GRIPAP1: variants seen among roughly 807,000 people sequenced by gnomAD.
GRIPAP1 encodes GRIP1 associated protein 1.
GRIPAP1 carries 14 observed loss-of-function variants against 84.1 expected under a neutral mutation model. That is an observed-to-expected ratio of 0.17 (90% CI 0.11 to 0.26). The LOEUF is 0.26. GRIPAP1 is among the 10% of genes least tolerant of loss of function. The pLI is 1.00. For missense variants in GRIPAP1, 518 were observed against 674.2 expected (o/e 0.77, Z 2.57); for synonymous variants, 261 against 256.8 (o/e 1.02, Z -0.15).
intron 5 of GRIPAP1, among the ~76,000 whole-genome samples, chrX:48,994,219 C>CTTTTTTTTTT (rs200273142): frequency 1.1e-5 from 1 of 95,178 alleles, no homozygotes; most frequent in African/African-American, 4.3e-5. Context: ...TATTTTCTTT[C>CTTTTTTTTTT]TTTTTTTTTT....
chrX:48,978,296 T>C lies in GRIPAP1; in HGVS notation c.2061+9A>G. On this transcript the variant is annotated intron_variant, in intron 22 of 25. Coordinates refer to ENST00000376423, the MANE Select transcript of GRIPAP1 (RefSeq NM_020137.5). ...AAGCTGGAGCTGTAGGTTCTTCCTT[T>C]CCCCTTACCCTGGCTGGAACAGCCG... is the stretch of plus-strand genomic sequence containing the variant. 1 of 1,208,707 alleles carries C rather than the reference T, an allele frequency of 8.3e-7. No homozygotes were observed. Among genetic ancestry groups the C allele is most frequent in the Admixed American group, 2.2e-5 (1 of 45,780 alleles).
At chrX:48,993,225 C>A (rs1333515690) in intron 6 of GRIPAP1, among the ~76,000 whole-genome samples, 2 of 113,161 alleles carry the variant, frequency 1.8e-5, no homozygotes, top group Non-Finnish European at 3.7e-5. Flanking sequence ...CTACTACAAT[C>A]TTCTGGGTGA....
At chrX:48,982,725 T>C (rs1323559442) in intron 17 of GRIPAP1, among the ~76,000 whole-genome samples, 2 of 112,476 alleles carry the variant, frequency 1.8e-5, no homozygotes, top group Non-Finnish European at 3.8e-5. Context: ...CTGACAGAAG[T>C]ACAGTTTCAG....
chrX:48,977,390 T>C lies in GRIPAP1; in HGVS notation c.2061+915A>G, dbSNP rs781938042. On this transcript the variant is annotated intron_variant, in intron 22 of 25. Coordinates refer to ENST00000376423, the MANE Select transcript of GRIPAP1 (RefSeq NM_020137.5). ...CCCAGGCTGGAGTGCAGTGGTGTGA[T>C]CTCGGCTCATTGCAACCTCCACCTC... 6.3e-5 allele frequency: 7 copies of C among 110,665 alleles called. No individual in the cohort carries two copies. In the Admixed American group the frequency reaches 6.8e-4, roughly 11 times the overall value. The allele number at this position is 110,665 out of a possible 1,213,427, so 9.1% of individuals were successfully genotyped here. A position where few individuals can be genotyped will look rare whatever the true frequency, so the allele number is the denominator to read the frequency against.
intron 1 of GRIPAP1, chrX:49,000,992 G>A (rs1313204687): frequency 9.6e-6 from 1 of 103,688 alleles, no homozygotes; most frequent in African/African-American, 3.6e-5. Flanking sequence ...TGTACCCCCC[G>A]AGACTTGCCC....
chrX:49,001,211 C>G (rs1557068498), intron 1 of GRIPAP1, among the ~76,000 whole-genome samples: 1 of 111,298 alleles, frequency 9.0e-6, no homozygotes, highest in African/African-American at 3.3e-5. Context: ...TGACAGTGGT[C>G]TTCCCCATTC....
At chrX:48,996,396 G>A (rs374463563) in intron 5 of GRIPAP1, among the ~76,000 whole-genome samples, 48 of 112,109 alleles carry the variant, frequency 4.3e-4, no homozygotes, top group African/African-American at 1.2e-3. Context: ...ACCTGAAGTC[G>A]GGAGTTCAGG....
At chrX:48,980,499 G>A (rs2064449635) in intron 21 of GRIPAP1, among the ~76,000 whole-genome samples, 1 of 110,620 alleles carries the variant, frequency 9.0e-6, no homozygotes, top group Non-Finnish European at 1.9e-5. Context: ...AGTGTGTAAT[G>A]TAGTACATAC....
intron 17 of GRIPAP1, among the ~76,000 whole-genome samples, chrX:48,982,089 C>T (rs1193941952): frequency 1.8e-5 from 2 of 112,685 alleles, no homozygotes; most frequent in Non-Finnish European, 3.7e-5. Flanking sequence ...TTTTATTTAA[C>T]AAAACATAGC....
chrX:48,983,064 T>C lies in GRIPAP1; in HGVS notation c.1514A>G (p.Gln505Arg). Reference sequence around the variant, plus strand: ...AGCTTGAAGTTCTTCCACTGTCTGCTGGAGAGTCTCCAGCTCCCGTGTCCG... The same window carrying C: ...AGCTTGAAGTTCTTCCACTGTCTGCCGGAGAGTCTCCAGCTCCCGTGTCCG... ...KARTRELETL[Q>R]QTVEELQAQV... The change falls in exon 17 of 26, where the codon CAG (glutamine) becomes CGG (arginine). Residue 505 changes from glutamine (Q) to arginine (R), a missense_variant. This residue lies in a region of GRIPAP1 where 372 missense variants were observed against 458.1 expected (regional missense o/e 0.81). Transcript: ENST00000376423. 1.7e-6 allele frequency: 2 copies of C among 1,207,484 alleles called. No homozygotes were observed. The highest frequency in any genetic ancestry group is 2.2e-6 in the Non-Finnish European group (2 of 891,188).
rs782731791 is a variant in GRIPAP1 at position 48,989,487 on chromosome X, C to T, written c.870+124G>A. On this transcript the variant is annotated intron_variant, in intron 11 of 25. Transcript: ENST00000376423. ...CCCATTTTCCTAGCTCCTGGGGGGC[C>T]CCAGAACCCATTTCCAACACAGGAA... 4.6e-4 allele frequency: 219 copies of T among 476,435 alleles called. 1 individual carries two copies. The highest frequency in any genetic ancestry group is 3.7e-4 in the Non-Finnish European group (102 of 277,559). The allele number at this position is 476,435 out of a possible 1,213,427, so 39.3% of individuals were successfully genotyped here.
Position 48,997,246 on chromosome X carries a change from G to A in GRIPAP1, c.306+4C>T, listed in dbSNP as rs782021931. 1 of 1,064,598 alleles carries A rather than the reference G, an allele frequency of 9.4e-7. No homozygotes were observed. Among genetic ancestry groups the A allele is most frequent in the Non-Finnish European group, 1.3e-6 (1 of 771,258 alleles). 87.7% of individuals were successfully genotyped at this position (1,064,598 alleles called of 1,213,427 possible). On this transcript the variant is annotated splice_donor_region_variant and intron_variant, in intron 5 of 25. Transcript: ENST00000376423. ...TCCCCTTTGACTATCCCAGGCACCA[G>A]CACCTTGCTGAACTCGGCCATTAGT...
At chrX:48,998,077 A>G (rs782032319) in intron 4 of GRIPAP1, 77 bp downstream of exon 4, 10 of 737,810 alleles carry the variant, frequency 1.4e-5, no homozygotes, top group Non-Finnish European at 1.7e-5. Flanking sequence ...AAAGGCCAGT[A>G]CAAGGAAATA....
chrX:48,992,125 C>A (rs1411521447), intron 6 of GRIPAP1, among the ~76,000 whole-genome samples: 1 of 111,716 alleles, frequency 9.0e-6, no homozygotes, highest in Non-Finnish European at 1.9e-5. Context: ...CCTGCCTCAG[C>A]CTCCCAAGTA....
chrX:48,988,403 C>T (rs782612034), intron 11 of GRIPAP1: 3 of 421,055 alleles, frequency 7.1e-6, no homozygotes, highest in East Asian at 3.9e-5. Flanking sequence ...TCTATCCCAG[C>T]GTACAAGATC....
At chrX:48,985,205 G>A (rs2064480525) in intron 14 of GRIPAP1, 63 bp downstream of exon 14, 1 of 1,049,876 alleles carries the variant, frequency 9.5e-7, no homozygotes, top group Non-Finnish European at 1.3e-6. Flanking sequence ...CCACCTTACT[G>A]GGGACTTCAC....
intron 19 of GRIPAP1, 30 bp downstream of exon 19, chrX:48,981,566 T>G: frequency 8.6e-7 from 1 of 1,167,863 alleles, no homozygotes; most frequent in Non-Finnish European, 1.2e-6. Flanking sequence ...GGATCAGGGG[T>G]GTGTCTGGGG....
chrX:48,983,115 G>A (rs782441245), intron 16 of GRIPAP1, 23 bp from the exon 17 acceptor site: 1 of 1,139,192 alleles, frequency 8.8e-7, no homozygotes, highest in East Asian at 3.0e-5. Flanking sequence ...AGACTGTCAT[G>A]GGCCAGGAAG....
In GRIPAP1 at chrX:48,999,047, CT is replaced by C; in HGVS notation, c.171+190del. The C allele has an allele frequency of 8.3e-6, 3 of 363,509 alleles. No homozygotes were observed. The South Asian group carries it at 2.2e-4, about 27-fold the overall frequency. 30.0% of individuals were successfully genotyped at this position (363,509 alleles called of 1,213,427 possible). ...ATTAAAAGTAAATTAAAATTAATCA[CT>C]AAATTAAGCAGGATTAGGTAAAATT... On this transcript the variant is annotated intron_variant, in intron 3 of 25. Coordinates refer to ENST00000376423, the MANE Select transcript of GRIPAP1 (RefSeq NM_020137.5).
Sources: gnomAD v4.1 joint callset for allele counts (sites outside exome capture counted in the v4.1 genomes callset) on GRCh38, gnomAD v4.1.1 for gene constraint, gnomAD v4.1.1 regional missense constraint, MANE v1.5 for transcripts, NCBI Gene and HGNC (gene_info 2026-07-23, HGNC 2026-07-21) for gene names.